DYRK1A: variants seen among roughly 807,000 people sequenced by gnomAD.
DYRK1A encodes dual specificity tyrosine phosphorylation regulated kinase 1A, also known as dual specificity tyrosine-phosphorylation-regulated kinase 1A.
In DYRK1A, 9 loss-of-function variants were observed where a neutral mutation model predicts 79.7. That is an observed-to-expected ratio of 0.11 (90% CI 0.07 to 0.20). DYRK1A has a LOEUF of 0.20. Among genes scored for constraint, DYRK1A ranks in the 10% least tolerant of loss-of-function variants. DYRK1A has a pLI of 1.00. For missense variants in DYRK1A, 622 were observed against 956.0 expected (o/e 0.65, Z 4.61); for synonymous variants, 349 against 329.7 (o/e 1.06, Z -0.63).
Position 37,383,188 on chromosome 21 carries a change from A to G in DYRK1A, c.-77+15560A>G, listed in dbSNP as rs141143219. On this transcript the variant is annotated intron_variant, in intron 1 of 11. Transcript: ENST00000647188. The stretch of plus-strand genomic sequence containing the variant: ...ATGTAGAATCTGTATTCTCTAGTCA[A>G]GGAGGGATGGGGATGGGATAGCAGC... Among the ~76,000 whole-genome samples, 1,072 of 152,282 alleles carry G rather than the reference A, an allele frequency of 7.0e-3. 13 individuals carry two copies. Among genetic ancestry groups the G allele is most frequent in the African/African-American group, 0.025 (1,029 of 41,550 alleles).
In DYRK1A at chr21:37,486,627, G is replaced by T. The variant is rs2052878263; in HGVS notation, c.637+13G>T. On this transcript the variant is annotated intron_variant, in intron 6 of 11. Coordinates refer to ENST00000647188, the MANE Select transcript of DYRK1A (RefSeq NM_001347721.2). ...AAATACTACATAGGTAAACAAACAG[G>T]CAAACAGCGCAGTGTGCCCCAACCC... The T allele has an allele frequency of 1.3e-6, 2 of 1,524,642 alleles. No individual in the cohort carries two copies. Among genetic ancestry groups the T allele is most frequent in the East Asian group, 2.5e-5 (1 of 39,760 alleles). The allele number at this position is 1,524,642 out of a possible 1,614,324, so 94.4% of individuals were successfully genotyped here. A position where few individuals can be genotyped will look rare whatever the true frequency, so the allele number is the denominator to read the frequency against.
rs557736579 is a variant in DYRK1A at position 37,525,790 on chromosome 21, G to A, written c.*13259G>A. ...GTCAGAAATATTAGCTGAATATCCCGACATGGCCTGTAATACAGCAGTTCA... is the reference window on the plus strand; with the variant it reads ...GTCAGAAATATTAGCTGAATATCCCAACATGGCCTGTAATACAGCAGTTCA... On this transcript the variant is annotated 3_prime_UTR_variant, in exon 12 of 12. Transcript: ENST00000647188. 3.9e-5 allele frequency: 6 copies of A among 152,236 alleles called. No homozygotes were observed. Among genetic ancestry groups the A allele is most frequent in the Admixed American group, 1.3e-4 (2 of 15,296 alleles). 9.4% of individuals were successfully genotyped at this position (152,236 alleles called of 1,614,324 possible).
chr21:37,413,114 A>G (rs756739446), intron 1 of DYRK1A, among the ~76,000 whole-genome samples: 3 of 152,184 alleles, frequency 2.0e-5, no homozygotes, highest in African/African-American at 7.2e-5. Flanking sequence ...TTAAGGGGGT[A>G]GCATTTCTCT....
At chr21:37,423,316 C>T (rs2050527280) in intron 2 of DYRK1A, among the ~76,000 whole-genome samples, 2 of 152,108 alleles carry the variant, frequency 1.3e-5, no homozygotes, top group African/African-American at 4.8e-5. Flanking sequence ...ATTCCCTCCT[C>T]CTCCCCCATT....
chr21:37,406,748 T>TCTATATCG (rs937619653), intron 1 of DYRK1A, among the ~76,000 whole-genome samples: 12 of 148,230 alleles, frequency 8.1e-5, no homozygotes, highest in Admixed American at 6.8e-5. Context: ...TCTATATATC[T>TCTATATCG]CTATATATCT....
chr21:37,504,142 T>G (rs1035461878), intron 9 of DYRK1A: 6 of 152,258 alleles, frequency 3.9e-5, no homozygotes, highest in African/African-American at 1.4e-4. Flanking sequence ...CCCCACTGTT[T>G]TCATATGTTT....
chr21:37,474,467 A>C (rs1056140243), intron 3 of DYRK1A, among the ~76,000 whole-genome samples: 2 of 152,204 alleles, frequency 1.3e-5, no homozygotes, highest in African/African-American at 4.8e-5. Flanking sequence ...GGGCCTAATA[A>C]GGGAGTCATA....
intron 2 of DYRK1A, among the ~76,000 whole-genome samples, chr21:37,444,157 T>G (rs2835748): frequency 0.2 from 30,120 of 152,190 alleles, 3,218 homozygotes; most frequent in East Asian, 0.36. Context: ...ATTGTACCTT[T>G]TATTATAAAT....
intron 2 of DYRK1A, among the ~76,000 whole-genome samples, chr21:37,469,659 G>T (rs1167919665): frequency 2.6e-5 from 4 of 152,140 alleles, no homozygotes; most frequent in African/African-American, 9.7e-5. Context: ...GCAAAGTCAG[G>T]CAAAAGGGGG....
chr21:37,389,187 C>T (rs1044260445), intron 1 of DYRK1A, among the ~76,000 whole-genome samples: 3 of 150,916 alleles, frequency 2.0e-5, no homozygotes, highest in Admixed American at 6.6e-5. Flanking sequence ...CCTTACTTTT[C>T]TCTCTCTCTC....
At chr21:37,376,524 A>G (rs1448566743) in intron 1 of DYRK1A, among the ~76,000 whole-genome samples, 3 of 152,106 alleles carry the variant, frequency 2.0e-5, no homozygotes, top group Non-Finnish European at 4.4e-5. Flanking sequence ...TGTTTAAGAA[A>G]TATCACCTTG....
intron 1 of DYRK1A, among the ~76,000 whole-genome samples, chr21:37,382,962 AC>A (rs1239862735): frequency 1.3e-5 from 2 of 152,210 alleles, no homozygotes; most frequent in Non-Finnish European, 2.9e-5. Context: ...TGGATTATAA[AC>A]AAGATAATCT....
At chr21:37,411,663 C>G (rs1237092318) in intron 1 of DYRK1A, among the ~76,000 whole-genome samples, 2 of 152,044 alleles carry the variant, frequency 1.3e-5, no homozygotes, top group Non-Finnish European at 2.9e-5. Flanking sequence ...TATAGAATGT[C>G]TATTGGTTGA....
intron 2 of DYRK1A, among the ~76,000 whole-genome samples, chr21:37,437,753 G>A (rs2050968725): frequency 6.6e-6 from 1 of 152,080 alleles, no homozygotes; most frequent in South Asian, 2.1e-4. Context: ...CCACTTACCT[G>A]TTGAAGCACA....
chr21:37,391,803 T>TTAA (rs2049875483), intron 1 of DYRK1A, among the ~76,000 whole-genome samples: 1 of 152,256 alleles, frequency 6.6e-6, no homozygotes, highest in East Asian at 1.9e-4. Flanking sequence ...TTCCCACTCG[T>TTAA]GTTAGGCTCC....
In DYRK1A at chr21:37,518,713, T is replaced by C. The variant is rs570552144; in HGVS notation, c.*6182T>C. The C allele has an allele frequency of 6.6e-6, 1 of 151,458 alleles. No individual in the cohort carries two copies. Among genetic ancestry groups the C allele is most frequent in the African/African-American group, 2.4e-5 (1 of 41,138 alleles). 9.4% of individuals were successfully genotyped at this position (151,458 alleles called of 1,614,324 possible). On this transcript the variant is annotated 3_prime_UTR_variant, in exon 12 of 12. Transcript: ENST00000647188. ...TCACTGCAACCTCCATTTCCCAGAT[T>C]CAAGCGATTCTCGTGCCTCAGCCTT...
At chr21:37,488,634 C>CAAT in intron 6 of DYRK1A, 1 of 985,350 alleles carries the variant, frequency 1.0e-6, no homozygotes, top group Non-Finnish European at 1.2e-6. Context: ...CTTTCTTTGA[C>CAAT]AATGTCTTTA....
At chr21:37,437,924 A>C (rs2050974495) in intron 2 of DYRK1A, among the ~76,000 whole-genome samples, 1 of 152,218 alleles carries the variant, frequency 6.6e-6, no homozygotes. Flanking sequence ...AGAAACTGCT[A>C]AATGGTTTTA....
In DYRK1A at chr21:37,515,403, T is replaced by C. The variant is rs1157338344; in HGVS notation, c.*2872T>C. On this transcript the variant is annotated 3_prime_UTR_variant, in exon 12 of 12. Coordinates refer to ENST00000647188, the MANE Select transcript of DYRK1A (RefSeq NM_001347721.2). ...CATTTTGATTTTTCACATTGATTTT[T>C]TTATTTGAATGTTTACATAATTTTG... 1 of 152,552 alleles carries C rather than the reference T, an allele frequency of 6.6e-6. No individual in the cohort carries two copies. Among genetic ancestry groups the C allele is most frequent in the Non-Finnish European group, 1.5e-5 (1 of 68,050 alleles). 9.4% of individuals were successfully genotyped at this position (152,552 alleles called of 1,614,324 possible). A position where few individuals can be genotyped will look rare whatever the true frequency, so the allele number is the denominator to read the frequency against.
Sources: allele counts gnomAD v4.1 joint callset (sites outside exome capture counted in the v4.1 genomes callset), GRCh38; gene constraint gnomAD v4.1.1; transcripts MANE v1.5; gene names NCBI Gene and HGNC (gene_info 2026-07-23, HGNC 2026-07-21).